The following XXYLT1 variants were observed in gnomAD, a reference collection of about 807,000 sequenced individuals.
XXYLT1 encodes UDP-xylose:alpha-xyloside alpha-1,3-xylosyltransferase.
In XXYLT1, 20 loss-of-function variants were observed where a neutral mutation model predicts 28.9. That is an observed-to-expected ratio of 0.69 (90% CI 0.49 to 1.00). XXYLT1 has a LOEUF of 1.00. Ranked by LOEUF, XXYLT1 falls within the 50% of genes least tolerant of loss-of-function variation. The pLI, the probability that XXYLT1 is intolerant of heterozygous loss-of-function variation, is 0.00. For synonymous variants in XXYLT1, 257 were observed against 253.8 expected, an observed-to-expected ratio of 1.01 and a Z score of -0.12; for missense variants, 542 against 560.1, an observed-to-expected ratio of 0.97 and a Z score of 0.33.
chr3:195,110,519 TGCGTGGTGTAC>T (rs1717580519), intron 3 of XXYLT1, among the ~76,000 whole-genome samples: 1 of 48,018 alleles, frequency 2.1e-5, no homozygotes, highest in Non-Finnish European at 4.7e-5. Flanking sequence ...GGTGTATGTG[TGCGTGGTGTAC>T]GTGTGCGTGT....
At chr3:195,119,390 T>A (rs999004389) in intron 3 of XXYLT1, among the ~76,000 whole-genome samples, 1 of 151,932 alleles carries the variant, frequency 6.6e-6, no homozygotes, top group Non-Finnish European at 1.5e-5. Flanking sequence ...GATTGCTGTA[T>A]AAATATGACT....
rs377135958 is a variant in XXYLT1 at position 195,069,961 on chromosome 3, C to T, written c.936G>A (p.Pro312=). 22 of 1,611,736 alleles carry T rather than the reference C, an allele frequency of 1.4e-5. No homozygotes were observed. The highest frequency in any genetic ancestry group is 6.7e-5 in the East Asian group (3 of 44,886). ...QSPLYSRLLE[P]AQVQQLADKY... ...TGTCGGCCAGCTGCTGCACCTGCGC[C>T]GGCTCCAGCAGGCGGCTGTAGAGCG... Residue 312 remains proline (P), a synonymous_variant, in exon 4 of 4, where the codon CCG becomes CCA. Transcript: ENST00000310380.
intron 1 of XXYLT1, chr3:195,259,466 G>T: frequency 1.8e-6 from 1 of 562,820 alleles, no homozygotes; most frequent in Non-Finnish European, 2.3e-6. Flanking sequence ...AGCCCTGGAT[G>T]GGAAGGCTGT....
intron 2 of XXYLT1, among the ~76,000 whole-genome samples, chr3:195,185,085 A>AGAAGGAAGGAAG (rs10575198): frequency 1.1e-3 from 113 of 100,972 alleles, no homozygotes; most frequent in Non-Finnish European, 9.1e-4. Flanking sequence ...GAAAGAAGGA[A>AGAAGGAAGGAAG]GAAGGAAGGA....
chr3:195,070,146 C>A, intron 3 of XXYLT1, 35 bp from the exon 4 acceptor site: 1 of 1,507,232 alleles, frequency 6.6e-7, no homozygotes, highest in Non-Finnish European at 8.8e-7. Context: ...GTCCGGTGTG[C>A]AGGGGAACCA....
At chr3:195,159,932 C>G (rs551512295) in intron 2 of XXYLT1, among the ~76,000 whole-genome samples, 1 of 152,132 alleles carries the variant, frequency 6.6e-6, no homozygotes, top group Non-Finnish European at 1.5e-5. Flanking sequence ...TCTGTCAAAG[C>G]GCTCTTCTCC....
In XXYLT1 at chr3:195,168,132, GC is replaced by G. The variant is rs1234162237; in HGVS notation, c.653-11552del. ...GATAGAGCCGTGGCTCACCGGCCTG[GC>G]TATGGCACTGCGTCCAACCATGGGC... is the stretch of plus-strand genomic sequence containing the variant. On this transcript the variant is annotated intron_variant, in intron 2 of 3. Transcript: ENST00000310380. This position sits in a 1 kb window ranked among gnomAD's most constrained non-coding sequence, Gnocchi z 4.3. Among the ~76,000 whole-genome samples, 1 of 152,190 alleles carries G rather than the reference GC, an allele frequency of 6.6e-6. No individual in the cohort carries two copies. Among genetic ancestry groups the G allele is most frequent in the Non-Finnish European group, 1.5e-5 (1 of 68,038 alleles).
chr3:195,112,281 C>T (rs988844442), intron 3 of XXYLT1, among the ~76,000 whole-genome samples: 2 of 152,154 alleles, frequency 1.3e-5, no homozygotes, highest in Non-Finnish European at 1.5e-5. Context: ...ACACGGGTTT[C>T]GCTGATGCTT....
intron 2 of XXYLT1, among the ~76,000 whole-genome samples, chr3:195,215,750 T>G (rs1723544629): frequency 6.6e-6 from 1 of 152,016 alleles, no homozygotes; most frequent in Non-Finnish European, 1.5e-5. Context: ...ACTGTCAACA[T>G]TAGACAGATC....
chr3:195,086,902 G>A (rs1299081822), intron 3 of XXYLT1, among the ~76,000 whole-genome samples: 1 of 152,164 alleles, frequency 6.6e-6, no homozygotes, highest in Non-Finnish European at 1.5e-5. Context: ...GGCAGTGGCT[G>A]TTCTAATCAT....
rs149644344 is a variant in XXYLT1 at position 195,170,142 on chromosome 3, G to A, written c.653-13561C>T. Among the ~76,000 whole-genome samples, 799 of 152,026 alleles carry A rather than the reference G, an allele frequency of 5.3e-3. 8 individuals carry two copies. The highest frequency in any genetic ancestry group is 0.019 in the African/African-American group (770 of 41,424). ...TGGAATTACAGGCGTGAGCCACCAC[G>A]CCTGGCCGTTAATGTATATATTTAT... On this transcript the variant is annotated intron_variant, in intron 2 of 3. Transcript: ENST00000310380.
chr3:195,126,936 C>T (rs1256237925), intron 3 of XXYLT1, among the ~76,000 whole-genome samples: 1 of 152,202 alleles, frequency 6.6e-6, no homozygotes, highest in East Asian at 1.9e-4. Context: ...AAGACTCTCA[C>T]AGGGAAGCAG....
At chr3:195,221,363 G>A (rs1723814338) in intron 2 of XXYLT1, among the ~76,000 whole-genome samples, 2 of 152,228 alleles carry the variant, frequency 1.3e-5, no homozygotes, top group South Asian at 4.1e-4. Flanking sequence ...CCACTGACAT[G>A]AGCCCATGAA....
chr3:195,247,128 T>G (rs1025572963), intron 1 of XXYLT1, among the ~76,000 whole-genome samples: 3 of 152,228 alleles, frequency 2.0e-5, no homozygotes, highest in African/African-American at 7.2e-5. Flanking sequence ...AGAAGCCGTT[T>G]TTCTACAAAA....
chr3:195,205,391 A>C (rs1333385352), intron 2 of XXYLT1, among the ~76,000 whole-genome samples: 1 of 152,226 alleles, frequency 6.6e-6, no homozygotes, highest in Non-Finnish European at 1.5e-5. Flanking sequence ...TTATGTTGAG[A>C]AAAAAGGCCT....
rs1223619254 is a variant in XXYLT1, at chr3:195,103,411, C to CT, written c.786-33301_786-33300insA. On this transcript the variant is annotated intron_variant, in intron 3 of 3. Transcript: ENST00000310380. ...CACGCCAGCGGCCTGCGTCCATCACCCCACGCCAGCGGCCTGCGTCCATCA... is the reference window on the plus strand; with the variant it reads ...CACGCCAGCGGCCTGCGTCCATCACCTCCACGCCAGCGGCCTGCGTCCATCA... 8.2e-3 allele frequency among the ~76,000 whole-genome samples: 1,238 copies of CT among 150,062 alleles called. 18 individuals are homozygous for CT. Among genetic ancestry groups the CT allele is most frequent in the African/African-American group, 0.028 (1,132 of 39,772 alleles).
rs1715228993 is a variant in XXYLT1, at chr3:195,078,167, G to C, written c.786-8056C>G. On this transcript the variant is annotated intron_variant, in intron 3 of 3. Transcript: ENST00000310380. The surrounding 1 kb of genome is among the most constrained non-coding windows in gnomAD (Gnocchi z 5.0). Reference sequence around the variant, plus strand: ...GGAATTCCATGTTGAGTCCCAAACAGGTGCCCAGAGAACAGCAATGTGGAG... The same window carrying C: ...GGAATTCCATGTTGAGTCCCAAACACGTGCCCAGAGAACAGCAATGTGGAG... Among the ~76,000 whole-genome samples the C allele has an allele frequency of 6.6e-6, 1 of 152,136 alleles. No individual in the cohort carries two copies. Among genetic ancestry groups the C allele is most frequent in the Admixed American group, 6.5e-5 (1 of 15,276 alleles).
At chr3:195,186,453 G>A in intron 2 of XXYLT1, among the ~76,000 whole-genome samples, 1 of 152,196 alleles carries the variant, frequency 6.6e-6, no homozygotes, top group East Asian at 1.9e-4. Flanking sequence ...AGGCAGCTAA[G>A]GCTTCAGCTT....
At chr3:195,233,303 C>CT (rs1160934802) in intron 1 of XXYLT1, among the ~76,000 whole-genome samples, 12 of 151,978 alleles carry the variant, frequency 7.9e-5, no homozygotes, top group Middle Eastern at 6.8e-3. Context: ...ATCATTGGGT[C>CT]TTAAAAAAAA....
Sources: gnomAD v4.1 joint callset for allele counts (sites outside exome capture counted in the v4.1 genomes callset) on GRCh38, gnomAD v4.1.1 for gene constraint, Gnocchi (gnomAD v3.1) non-coding constraint, MANE v1.5 for transcripts, NCBI Gene and HGNC (gene_info 2026-07-23, HGNC 2026-07-21) for gene names.